Variants in PKHD1 observed in about 807,000 individuals in gnomAD.
The protein encoded by PKHD1 is PKHD1 ciliary IPT domain containing fibrocystin/polyductin, also known as fibrocystin.
In PKHD1, 291 loss-of-function variants were observed where a neutral mutation model predicts 412.0. That is an observed-to-expected ratio of 0.71 (90% CI 0.64 to 0.78). The LOEUF is 0.78. Ranked by LOEUF, PKHD1 falls within the 30% of genes least tolerant of loss-of-function variation. PKHD1 has a pLI of 0.00. For synonymous variants in PKHD1, 1,777 were observed against 1,821.5 expected (o/e 0.98, Z 0.62); for missense variants, 4,825 against 4,950.7 (o/e 0.97, Z 0.76).
intron 53 of PKHD1, among the ~76,000 whole-genome samples, chr6:51,781,450 A>G (rs1791992944): frequency 6.6e-6 from 1 of 152,146 alleles, no homozygotes; most frequent in Non-Finnish European, 1.5e-5. Flanking sequence ...CAATTAATGG[A>G]ATATTAAAAT....
rs2163186 is a variant in PKHD1 at position 52,065,298 on chromosome 6, G to A, written c.881-248C>T. Among the ~76,000 whole-genome samples, 72,448 of 150,420 alleles carry A rather than the reference G, an allele frequency of 0.48. 18,299 individuals are homozygous for A. Among genetic ancestry groups the A allele is most frequent in the African/African-American group, 0.64 (26,388 of 40,912 alleles). ...AAGGGCTGGGTGTGGATGGAATAGCGAAAGTTGTCACCCCAATTGAAGGAG... is the reference window on the plus strand; with the variant it reads ...AAGGGCTGGGTGTGGATGGAATAGCAAAAGTTGTCACCCCAATTGAAGGAG... On this transcript the variant is annotated intron_variant, in intron 12 of 66. Transcript: ENST00000371117.
chr6:52,007,047 T>C (rs1799171373), intron 35 of PKHD1, among the ~76,000 whole-genome samples: 1 of 152,246 alleles, frequency 6.6e-6, no homozygotes, highest in Non-Finnish European at 1.5e-5. Flanking sequence ...CTGAGTAGTA[T>C]TCCATTATAT....
chr6:51,995,667 A>G (rs570409718), intron 35 of PKHD1, among the ~76,000 whole-genome samples: 6 of 152,342 alleles, frequency 3.9e-5, no homozygotes, highest in African/African-American at 1.4e-4. Context: ...CTGATTTTCC[A>G]TAACAAAATA....
intron 55 of PKHD1, among the ~76,000 whole-genome samples, chr6:51,765,475 G>C (rs73426042): frequency 0.11 from 16,151 of 152,066 alleles, 902 homozygotes; most frequent in East Asian, 0.22. Context: ...CTCACTCTGC[G>C]CCAGCTATAG....
At chr6:51,962,121 C>T (rs1351751104) in intron 35 of PKHD1, among the ~76,000 whole-genome samples, 2 of 152,036 alleles carry the variant, frequency 1.3e-5, no homozygotes, top group Non-Finnish European at 2.9e-5. Context: ...TGGCCAGGAT[C>T]GCCCAAAGAC....
rs77349884 is a variant in PKHD1, at chr6:51,712,178, T to A, written c.10156+32207A>T. Among the ~76,000 whole-genome samples the A allele has an allele frequency of 3.5e-3, 540 of 152,324 alleles. 2 individuals carry two copies. Among genetic ancestry groups the A allele is most frequent in the African/African-American group, 0.012 (514 of 41,578 alleles). Reference sequence around the variant, plus strand: ...GCAACATCTGCTGTCGTTAACATGATCTCTGTTTGTCTTGAAGTATAAATA... The same window carrying A: ...GCAACATCTGCTGTCGTTAACATGAACTCTGTTTGTCTTGAAGTATAAATA... On this transcript the variant is annotated intron_variant, in intron 60 of 66. Transcript: ENST00000371117.
intron 16 of PKHD1, 152 bp downstream of exon 16, chr6:52,058,171 T>C: frequency 1.4e-6 from 1 of 720,956 alleles, no homozygotes; most frequent in Non-Finnish European, 2.5e-6. Flanking sequence ...TTTGTAAACA[T>C]CTTCACAATG....
chr6:52,016,410 T>A (rs1159556718), intron 34 of PKHD1, among the ~76,000 whole-genome samples: 3 of 151,504 alleles, frequency 2.0e-5, no homozygotes, highest in Non-Finnish European at 4.4e-5. Context: ...CCAAGTCGGG[T>A]GGATTGCTTG....
chr6:51,906,249 T>G lies in PKHD1; in HGVS notation c.6774A>C (p.Val2258=), dbSNP rs34796823. 9.5e-5 allele frequency: 153 copies of G among 1,611,776 alleles called. 1 individual carries two copies. In the African/African-American group the frequency reaches 1.9e-3, roughly 20 times the overall value. The change falls in exon 41 of 67, where the codon GTA becomes GTC. Residue 2258 remains valine (V), a synonymous_variant. Coordinates refer to ENST00000371117, the MANE Select transcript of PKHD1 (RefSeq NM_138694.4). ...GCGCATGACCTAAAATATTGTAGAA[T>G]ACATTACTGTCCACCTTCAGGCCCA... ...GTLGLKVDSN[V]FYNILGHALL...
At position 52,028,223 on chromosome 6, in the gene PKHD1, G is replaced by A. The variant is rs766816476; in HGVS notation, c.3493C>T (p.Pro1165Ser). 8 of 1,614,066 alleles carry A rather than the reference G, an allele frequency of 5.0e-6. No homozygotes were observed. The South Asian group carries it at 7.7e-5, about 16-fold the overall frequency. ...QSAWGLEVAL[P>S]PLPAGLHRIS... ...CTGTGGAGACCAGCTGGCAGTGGGG[G>A]CAGTGCCACCTCCAGGCCCCAAGCC... Residue 1165 changes from proline to serine, a missense_variant, in exon 30 of 67, where the codon CCC becomes TCC. Coordinates refer to ENST00000371117, the MANE Select transcript of PKHD1 (RefSeq NM_138694.4).
intron 66 of PKHD1, among the ~76,000 whole-genome samples, chr6:51,625,034 T>C (rs1767064030): frequency 6.6e-6 from 1 of 152,062 alleles, no homozygotes; most frequent in Non-Finnish European, 1.5e-5. Flanking sequence ...AACAGTAAAA[T>C]AGGAGGGATG....
At chr6:51,924,390 A>C (rs1785195667) in intron 37 of PKHD1, among the ~76,000 whole-genome samples, 1 of 152,242 alleles carries the variant, frequency 6.6e-6, no homozygotes, top group African/African-American at 2.4e-5. Flanking sequence ...ACAGGACAGA[A>C]GGTGTTAGCA....
At chr6:51,952,989 T>C (rs947302751) in intron 36 of PKHD1, among the ~76,000 whole-genome samples, 1 of 152,158 alleles carries the variant, frequency 6.6e-6, no homozygotes, top group East Asian at 1.9e-4. Flanking sequence ...TTCCATTTTG[T>C]GCATTGATTT....
chr6:51,681,681 T>A (rs1776683916), intron 60 of PKHD1, among the ~76,000 whole-genome samples: 1 of 152,026 alleles, frequency 6.6e-6, no homozygotes, highest in Non-Finnish European at 1.5e-5. Context: ...AGGTAACTAG[T>A]GTCCCTTTTG....
At chr6:51,948,170 G>A (rs1307915323) in intron 36 of PKHD1, among the ~76,000 whole-genome samples, 2 of 152,092 alleles carry the variant, frequency 1.3e-5, no homozygotes, top group Non-Finnish European at 2.9e-5. Flanking sequence ...TTAGCTCCCT[G>A]TTTCTGCCCT....
chr6:52,029,767 T>C (rs1265226051), intron 29 of PKHD1, among the ~76,000 whole-genome samples: 1 of 152,212 alleles, frequency 6.6e-6, no homozygotes, highest in East Asian at 1.9e-4. Flanking sequence ...GTTTTGGGGA[T>C]AAGCCAAGTT....
At chr6:51,993,010 T>C (rs933064864) in intron 35 of PKHD1, among the ~76,000 whole-genome samples, 1 of 152,184 alleles carries the variant, frequency 6.6e-6, no homozygotes, top group Non-Finnish European at 1.5e-5. Flanking sequence ...TTATTAGCCT[T>C]GCAATTTCTT....
chr6:51,730,699 G>C (rs928155262), intron 60 of PKHD1, among the ~76,000 whole-genome samples: 5 of 152,148 alleles, frequency 3.3e-5, no homozygotes, highest in African/African-American at 1.2e-4. Flanking sequence ...ATTGAGATGA[G>C]AATTTGCTTA....
intron 35 of PKHD1, among the ~76,000 whole-genome samples, chr6:51,990,702 T>A (rs1796949053): frequency 6.6e-6 from 1 of 152,204 alleles, no homozygotes; most frequent in African/African-American, 2.4e-5. Context: ...ACTCATTTAT[T>A]TTCCATTCTA....
Sources: gnomAD v4.1 joint callset for allele counts (sites outside exome capture counted in the v4.1 genomes callset) on GRCh38, gnomAD v4.1.1 for gene constraint, MANE v1.5 for transcripts, NCBI Gene and HGNC (gene_info 2026-07-23, HGNC 2026-07-21) for gene names.